Variants in SNRPN observed in about 807,000 individuals in gnomAD.
SNRPN encodes the protein small nuclear ribonucleoprotein polypeptide N.
Under a neutral mutation model 25.2 loss-of-function variants are expected in SNRPN, and 7 were observed. The ratio of observed to expected loss-of-function variants is 0.28; its 90% confidence interval spans 0.16 to 0.52. The LOEUF is 0.52. Ranked by LOEUF, SNRPN falls within the 20% of genes least tolerant of loss-of-function variation. The pLI, the probability that SNRPN is intolerant of heterozygous loss-of-function variation, is 0.96. For synonymous variants in SNRPN, 124 were observed against 110.6 expected (o/e 1.12, Z -0.76); for missense variants, 196 against 322.5 (o/e 0.61, Z 3.00).
At position 24,834,760 on chromosome 15, in the gene SNRPN, T is replaced by C. The variant is rs1345767045; in HGVS notation, c.-579+4855T>C. Among the ~76,000 whole-genome samples, 22 of 116,976 alleles carry C rather than the reference T, an allele frequency of 1.9e-4. 3 individuals carry two copies. In the South Asian group the frequency reaches 6.0e-3, roughly 32 times the overall value. The allele number at this position is 116,976 out of a possible 152,430, so 76.7% of individuals were successfully genotyped here. On this transcript the variant is annotated intron_variant, in intron 2 of 12. Transcript: ENST00000400100. ...CTCTCTCTCTCTCTCTCTATATATA[T>C]ATATATATATATATATATAGCCAGG... is the stretch of plus-strand genomic sequence containing the variant.
chr15:24,882,833 A>ATAT lies in SNRPN; in HGVS notation c.-578-3683_-578-3682insTAT, dbSNP rs1555388422. On this transcript the variant is annotated intron_variant, in intron 1 of 11. Transcript: ENST00000400097. ...AGCGAGACTCCATCTCAAAAAAAAA[A>ATAT]ATATATATATATATAGTGAGTTGAA... is the stretch of plus-strand genomic sequence containing the variant. Among the ~76,000 whole-genome samples, 9 of 119,370 alleles carry ATAT rather than the reference A, an allele frequency of 7.5e-5. 1 individual carries two copies. The highest frequency in any genetic ancestry group is 1.9e-4 in the African/African-American group (6 of 31,974). 78.3% of individuals were successfully genotyped at this position (119,370 alleles called of 152,430 possible).
At chr15:24,834,751 C>CTCTCTCTATATATATATATATATA in intron 2 of SNRPN, among the ~76,000 whole-genome samples, 3 of 60,956 alleles carry the variant, frequency 4.9e-5, no homozygotes, top group Non-Finnish European at 9.9e-5. Context: ...CTCTCTCTCT[C>CTCTCTCTATATATATATATATATA]TATATATATA....
intron 2 of SNRPN, among the ~76,000 whole-genome samples, chr15:24,847,230 A>C (rs1240000249): frequency 6.6e-6 from 1 of 152,190 alleles, no homozygotes; most frequent in Non-Finnish European, 1.5e-5. Context: ...AGCGCCACCT[A>C]GCATCAACAG....
chr15:24,879,966 A>T (rs975604064), intron 1 of SNRPN, among the ~76,000 whole-genome samples: 1 of 152,190 alleles, frequency 6.6e-6, no homozygotes, highest in South Asian at 2.1e-4. Context: ...CTGTTGAGTT[A>T]ATCAGCAACT....
At chr15:24,942,479 C>T (rs189354938) in intron 3 of SNRPN, 2 of 152,342 alleles carry the variant, frequency 1.3e-5, no homozygotes, top group East Asian at 3.9e-4. Context: ...CCACCAAATT[C>T]CATGAGCATG....
chr15:24,946,807 T>A (rs2061921447), intron 3 of SNRPN, among the ~76,000 whole-genome samples: 1 of 152,192 alleles, frequency 6.6e-6, no homozygotes, highest in Admixed American at 6.5e-5. Flanking sequence ...TATTTTTAAT[T>A]TTTTATGGAT....
chr15:24,826,834 G>A (rs1425272685), intron 1 of SNRPN, among the ~76,000 whole-genome samples: 1 of 152,012 alleles, frequency 6.6e-6, no homozygotes, highest in Non-Finnish European at 1.5e-5. Flanking sequence ...GGCAAATACA[G>A]TCTAAGAAGT....
intron 1 of SNRPN, among the ~76,000 whole-genome samples, chr15:24,866,117 T>G (rs1029819196): frequency 1.3e-5 from 2 of 152,170 alleles, no homozygotes; most frequent in Admixed American, 6.5e-5. Flanking sequence ...CCTTTCTATT[T>G]CCCTGATAAT....
At chr15:24,827,240 C>T (rs564288113) in intron 1 of SNRPN, among the ~76,000 whole-genome samples, 66 of 152,020 alleles carry the variant, frequency 4.3e-4, no homozygotes, top group Admixed American at 1.2e-3. Flanking sequence ...TGCAGCCGGG[C>T]GCGGTGGCTC....
intron 2 of SNRPN, among the ~76,000 whole-genome samples, chr15:24,897,080 G>A (rs1005402134): frequency 6.6e-6 from 1 of 152,030 alleles, no homozygotes; most frequent in Non-Finnish European, 1.5e-5. Flanking sequence ...TTGGGTCCAG[G>A]AGGCAGAGGT....
At chr15:24,909,298 G>C (rs1346175977) in intron 2 of SNRPN, 1 of 1,603,230 alleles carries the variant, frequency 6.2e-7, no homozygotes, top group Non-Finnish European at 8.5e-7. Context: ...GTTTGGTACT[G>C]TGAGGGATAG....
rs186979533 is a variant in SNRPN, at chr15:24,878,969, T to C, written c.-578-7547T>C. The stretch of plus-strand genomic sequence containing the variant: ...AACCCAGAGTTTTAGTATCTCCTTA[T>C]AGAATATTTGTAATTTAAGAAAAAT... On this transcript the variant is annotated intron_variant, in intron 1 of 11. Transcript: ENST00000400097. Among the ~76,000 whole-genome samples the C allele has an allele frequency of 2.1e-4, 32 of 152,162 alleles. No homozygotes were observed. The East Asian group carries it at 5.0e-3, about 24-fold the overall frequency.
intron 3 of SNRPN, among the ~76,000 whole-genome samples, chr15:24,938,921 T>C (rs7170086): frequency 0.04 from 6,120 of 152,278 alleles, 420 homozygotes; most frequent in African/African-American, 0.14. Context: ...ATGAAAGACA[T>C]GCTTATAGAC....
chr15:24,835,030 T>TAGTATATATATCTATATATAAA (rs1566807282), intron 2 of SNRPN, among the ~76,000 whole-genome samples: 1 of 62,220 alleles, frequency 1.6e-5, no homozygotes, highest in Non-Finnish European at 3.3e-5. Context: ...AATAGATATA[T>TAGTATATATATCTATATATAAA]ATAGTATATA....
At chr15:24,897,711 A>G (rs529656922) in intron 2 of SNRPN, among the ~76,000 whole-genome samples, 21 of 152,278 alleles carry the variant, frequency 1.4e-4, no homozygotes, top group Non-Finnish European at 2.4e-4. Context: ...TTGGTCATGA[A>G]TAAGTCTCAT....
At chr15:24,928,953 A>G (rs1257674812) in intron 3 of SNRPN, among the ~76,000 whole-genome samples, 1 of 152,038 alleles carries the variant, frequency 6.6e-6, no homozygotes, top group African/African-American at 2.4e-5. Context: ...ACCTCAGAAC[A>G]CATTCCAAGC....
At chr15:24,908,268 G>C (rs2058982066) in intron 2 of SNRPN, among the ~76,000 whole-genome samples, 1 of 152,068 alleles carries the variant, frequency 6.6e-6, no homozygotes, top group South Asian at 2.1e-4. Context: ...ACTGAGAAGT[G>C]GCAGTGTTGC....
At chr15:24,909,021 G>A (rs1340809454) in intron 2 of SNRPN, 18 of 1,421,208 alleles carry the variant, frequency 1.3e-5, no homozygotes, top group East Asian at 4.6e-5. Context: ...ATTTTGGGAT[G>A]GTTCCACCTC....
chr15:24,837,645 A>G (rs921411390), intron 2 of SNRPN, among the ~76,000 whole-genome samples: 1 of 152,024 alleles, frequency 6.6e-6, no homozygotes, highest in South Asian at 2.1e-4. Flanking sequence ...CTGGGATTAC[A>G]GGCGTGAGCC....
Sources: gnomAD v4.1 joint callset for allele counts (sites outside exome capture counted in the v4.1 genomes callset) on GRCh38, gnomAD v4.1.1 for gene constraint, MANE v1.5 for transcripts, NCBI Gene and HGNC (gene_info 2026-07-23, HGNC 2026-07-21) for gene names.